PPP2R3A: variants seen among roughly 807,000 people sequenced by gnomAD.
PPP2R3A encodes serine/threonine-protein phosphatase 2A regulatory subunit B'' subunit alpha.
PPP2R3A carries 80 observed loss-of-function variants against 106.9 expected under a neutral mutation model. The observed-to-expected ratio is 0.75, with a 90% confidence interval of 0.62 to 0.90. The LOEUF is 0.90. PPP2R3A is among the 40% of genes least tolerant of loss of function. The pLI, the probability that PPP2R3A is intolerant of heterozygous loss-of-function variation, is 0.00. For synonymous variants in PPP2R3A, 483 were observed against 468.3 expected (o/e 1.03, Z -0.41); for missense variants, 1,386 against 1,350.4 (o/e 1.03, Z -0.41).
intron 7 of PPP2R3A, among the ~76,000 whole-genome samples, chr3:136,081,680 A>C (rs1442057897): frequency 6.6e-6 from 1 of 152,110 alleles, no homozygotes; most frequent in Admixed American, 6.5e-5. Flanking sequence ...GTTCAGTATC[A>C]TTGATTCTGG....
chr3:136,040,830 C>T, intron 3 of PPP2R3A, 29 bp from the exon 4 acceptor site: 21 of 1,533,724 alleles, frequency 1.4e-5, no homozygotes, highest in Non-Finnish European at 1.9e-5. Context: ...TCCCTGTTGG[C>T]TTACCCTGTA....
At chr3:135,994,132 T>C (rs1029273198) in intron 1 of PPP2R3A, among the ~76,000 whole-genome samples, 3 of 152,228 alleles carry the variant, frequency 2.0e-5, no homozygotes, top group African/African-American at 7.2e-5. Flanking sequence ...AGGGAAGCTC[T>C]GTGTTTGTGG....
intron 8 of PPP2R3A, among the ~76,000 whole-genome samples, chr3:136,086,638 A>G (rs79872348): frequency 0.022 from 3,299 of 152,258 alleles, 139 homozygotes; most frequent in African/African-American, 0.074. Context: ...CCTTTCCTAT[A>G]TAGCCCTCTT....
At chr3:136,095,511 T>G (rs1211607560) in intron 10 of PPP2R3A, among the ~76,000 whole-genome samples, 1 of 152,200 alleles carries the variant, frequency 6.6e-6, no homozygotes, top group Non-Finnish European at 1.5e-5. Flanking sequence ...GTGCAGCTAG[T>G]AAGTGTCCTA....
chr3:136,003,182 TCAC>T lies in PPP2R3A; in HGVS notation c.1686_1688del (p.Pro563del). ...TCTTGAGCCTAAATCTAAAGTCTCT[TCAC>T]CCATAGAAAAAGTCTCACCTTCCTG... On this transcript the variant is annotated inframe_deletion, in exon 2 of 14. Coordinates refer to ENST00000264977, the MANE Select transcript of PPP2R3A (RefSeq NM_002718.5). 6.2e-7 allele frequency: 1 copy of T among 1,613,692 alleles called. No individual in the cohort carries two copies. The highest frequency in any genetic ancestry group is 8.5e-7 in the Non-Finnish European group (1 of 1,179,766).
chr3:136,052,510 T>A (rs1935718990), intron 5 of PPP2R3A, among the ~76,000 whole-genome samples: 5 of 152,166 alleles, frequency 3.3e-5, no homozygotes. Flanking sequence ...CATTATTCCC[T>A]TGTTTGCTCC....
At chr3:136,117,960 C>T (rs947472630) in intron 13 of PPP2R3A, among the ~76,000 whole-genome samples, 4 of 152,144 alleles carry the variant, frequency 2.6e-5, no homozygotes, top group Admixed American at 6.5e-5. Context: ...TGATGAACAT[C>T]GATGCGAAAA....
intron 13 of PPP2R3A, chr3:136,107,021 G>C (rs1937530475): frequency 1.4e-5 from 2 of 145,634 alleles, no homozygotes; most frequent in Admixed American, 1.4e-4. Flanking sequence ...ACATGGTTTT[G>C]TGCAGGAAGT....
rs866805611 is a variant in PPP2R3A at position 136,010,458 on chromosome 3, G to A, written c.1995+6965G>A. Among the ~76,000 whole-genome samples the A allele has an allele frequency of 3.2e-3, 382 of 118,126 alleles. 2 individuals carry two copies. Among genetic ancestry groups the A allele is most frequent in the Middle Eastern group, 0.017 (3 of 174 alleles). 77.5% of individuals were successfully genotyped at this position (118,126 alleles called of 152,430 possible). On this transcript the variant is annotated intron_variant, in intron 2 of 13. Transcript: ENST00000264977. ...TTTTTTTTTTTTGAGACGGAGTCTC[G>A]CTCTGTCGCCCAGGCTGGAGTGCAG...
intron 13 of PPP2R3A, among the ~76,000 whole-genome samples, chr3:136,140,394 T>TAAGA (rs1462628530): frequency 7.0e-6 from 1 of 142,096 alleles, no homozygotes; most frequent in Non-Finnish European, 1.5e-5. Flanking sequence ...AGTTTGAGGC[T>TAAGA]AAGATCATGC....
intron 5 of PPP2R3A, among the ~76,000 whole-genome samples, chr3:136,066,638 G>A (rs1936269269): frequency 6.6e-6 from 1 of 152,094 alleles, no homozygotes; most frequent in African/African-American, 2.4e-5. Context: ...AAGGACAAGG[G>A]GGAAGCCAGC....
chr3:136,016,146 C>T (rs1017851813), intron 2 of PPP2R3A, among the ~76,000 whole-genome samples: 14 of 151,870 alleles, frequency 9.2e-5, no homozygotes, highest in Non-Finnish European at 1.8e-4. Flanking sequence ...CTTTTGGAGT[C>T]GATTTCCAAT....
chr3:135,997,142 G>C (rs553095771), intron 1 of PPP2R3A, among the ~76,000 whole-genome samples: 3 of 152,056 alleles, frequency 2.0e-5, no homozygotes, highest in Admixed American at 2.0e-4. Flanking sequence ...TCTAGCTGCC[G>C]TTTTATAGCC....
rs932346076 is a variant in PPP2R3A, at chr3:136,027,208, T to C, written c.2262+110T>C. ...CCCCCTTCACTGCCTCTTTGCTCTGTTTTTAAGCATGCATGGAATTGTTGT... is the reference window on the plus strand; with the variant it reads ...CCCCCTTCACTGCCTCTTTGCTCTGCTTTTAAGCATGCATGGAATTGTTGT... On this transcript the variant is annotated intron_variant, in intron 3 of 13. Transcript: ENST00000264977. 132 of 966,060 alleles carry C rather than the reference T, an allele frequency of 1.4e-4. 1 individual carries two copies. Among genetic ancestry groups the C allele is most frequent in the Admixed American group, 2.9e-5 (1 of 34,892 alleles). 59.8% of individuals were successfully genotyped at this position (966,060 alleles called of 1,614,324 possible).
chr3:136,036,921 A>G (rs1383068055), intron 3 of PPP2R3A, among the ~76,000 whole-genome samples: 4 of 152,202 alleles, frequency 2.6e-5, no homozygotes, highest in Non-Finnish European at 4.4e-5. Flanking sequence ...TATGCATGCA[A>G]GTCTTTTCTG....
intron 1 of PPP2R3A, among the ~76,000 whole-genome samples, chr3:135,989,437 C>G (rs950318452): frequency 6.6e-6 from 1 of 152,128 alleles, no homozygotes; most frequent in Non-Finnish European, 1.5e-5. Flanking sequence ...TCTTGACATT[C>G]TATCTATCTG....
chr3:136,100,242 G>C (rs892581330), intron 10 of PPP2R3A, among the ~76,000 whole-genome samples: 1 of 152,118 alleles, frequency 6.6e-6, no homozygotes, highest in African/African-American at 2.4e-5. Context: ...AGGCGCAGGA[G>C]CTCACAACTA....
intron 13 of PPP2R3A, among the ~76,000 whole-genome samples, chr3:136,143,023 T>C (rs765576790): frequency 2.6e-5 from 4 of 152,206 alleles, no homozygotes; most frequent in East Asian, 1.9e-4. Flanking sequence ...CCATGCCGCA[T>C]TGAGGCCTCA....
At chr3:136,010,705 C>T (rs1283346115) in intron 2 of PPP2R3A, among the ~76,000 whole-genome samples, 8 of 152,050 alleles carry the variant, frequency 5.3e-5, no homozygotes, top group African/African-American at 1.4e-4. Context: ...GGATTACAGG[C>T]GTGAGCCACC....
Sources: allele counts gnomAD v4.1 joint callset (sites outside exome capture counted in the v4.1 genomes callset), GRCh38; gene constraint gnomAD v4.1.1; transcripts MANE v1.5; gene names NCBI Gene and HGNC (gene_info 2026-07-23, HGNC 2026-07-21).